The following ARHGAP22 variants were observed in gnomAD, a reference collection of about 807,000 sequenced individuals.
ARHGAP22 encodes the protein rho GTPase-activating protein 22.
ARHGAP22 carries 48 observed loss-of-function variants against 59.1 expected under a neutral mutation model. The ratio of observed to expected loss-of-function variants is 0.81; its 90% CI spans 0.64 to 1.03. The LOEUF is 1.03. Among genes scored for constraint, ARHGAP22 ranks in the 50% least tolerant of loss-of-function variants. The probability of loss-of-function intolerance (pLI) is 0.00; values close to 1 mark genes in which losing one functional copy is unlikely to be tolerated. For missense variants in ARHGAP22, 1,015 were observed against 958.7 expected (o/e 1.06, Z -0.78); for synonymous variants, 445 against 416.4 (o/e 1.07, Z -0.84).
At chr10:48,436,721 G>A in the ARHGAP22 span, 1 of 152,172 alleles carries the variant, frequency 6.6e-6, no homozygotes, top group African/African-American at 2.4e-5. Flanking sequence ...AAATACATTA[G>A]CTTTTTTATA....
intron 3 of ARHGAP22, among the ~76,000 whole-genome samples, chr10:48,505,686 A>G (rs762516303): frequency 6.6e-6 from 1 of 152,066 alleles, no homozygotes; most frequent in Non-Finnish European, 1.5e-5. Context: ...ATCCCCTGGG[A>G]GGATTTTTGC....
At chr10:48,555,180 C>T (rs1449418233) in intron 3 of ARHGAP22, among the ~76,000 whole-genome samples, 3 of 152,174 alleles carry the variant, frequency 2.0e-5, no homozygotes, top group African/African-American at 7.2e-5. Context: ...AGATTTTCAC[C>T]CTGAGATGTT....
At chr10:48,535,294 T>C (rs779771306) in intron 3 of ARHGAP22, among the ~76,000 whole-genome samples, 9 of 152,180 alleles carry the variant, frequency 5.9e-5, no homozygotes, top group Admixed American at 6.5e-5. Flanking sequence ...CCCTAAAGAC[T>C]CTTCTTGCTC....
rs114555651 is a variant in ARHGAP22 at position 48,487,726 on chromosome 10, A to G, written c.323-7962T>C. 1.8e-3 allele frequency among the ~76,000 whole-genome samples: 275 copies of G among 152,306 alleles called. 1 individual carries two copies. Among genetic ancestry groups the G allele is most frequent in the African/African-American group, 6.4e-3 (267 of 41,560 alleles). On this transcript the variant is annotated intron_variant, in intron 3 of 9. Coordinates refer to ENST00000249601, the MANE Select transcript of ARHGAP22 (RefSeq NM_021226.4). ...TGTCAGGCTTCTGACCTACAGAACC[A>G]TAAGGTAAATTTGCATTGTTTAAGC...
At chr10:48,557,053 G>A (rs957652305) in intron 2 of ARHGAP22, among the ~76,000 whole-genome samples, 15 of 152,190 alleles carry the variant, frequency 9.9e-5, no homozygotes, top group African/African-American at 3.1e-4. Flanking sequence ...GTCCTTACCC[G>A]CAGATGCTTG....
rs2060603548 is a variant in ARHGAP22 at position 48,604,983 on chromosome 10, A to G, written c.-187T>C. 2.0e-6 allele frequency: 3 copies of G among 1,465,108 alleles called. No individual in the cohort carries two copies. Among genetic ancestry groups the G allele is most frequent in the Non-Finnish European group, 2.7e-6 (3 of 1,113,546 alleles). 90.8% of individuals were successfully genotyped at this position (1,465,108 alleles called of 1,614,324 possible). ...GGACGGACGGCTCGCCTTGGACTAC[A>G]TAAACCTCGATGCATTATTTATCCA... On this transcript the variant is annotated 5_prime_UTR_variant, in exon 1 of 10. An upstream start codon of the reference 5' UTR is lost. Coordinates refer to ENST00000249601, the MANE Select transcript of ARHGAP22 (RefSeq NM_021226.4).
intron 2 of ARHGAP22, among the ~76,000 whole-genome samples, chr10:48,572,509 G>T (rs568617833): frequency 6.6e-6 from 1 of 152,228 alleles, no homozygotes; most frequent in Non-Finnish European, 1.5e-5. Context: ...ACCTATTGCT[G>T]TATAGGGCCT....
rs2046296685 is a variant in ARHGAP22 at position 48,454,455 on chromosome 10, G to T, written c.793-294C>A. On this transcript the variant is annotated intron_variant, in intron 6 of 9. Transcript: ENST00000249601. ...CTCACTTATCAAGACACAAATATTT[G>T]CCAGATAGTGAGCCCTCATCTCCCA... Among the ~76,000 whole-genome samples the T allele has an allele frequency of 2.0e-5, 3 of 152,140 alleles. No individual in the cohort carries two copies. In the South Asian group the frequency reaches 6.2e-4, roughly 31 times the overall value.
chr10:48,523,361 C>T (rs964060368), intron 3 of ARHGAP22, among the ~76,000 whole-genome samples: 1 of 152,236 alleles, frequency 6.6e-6, no homozygotes, highest in African/African-American at 2.4e-5. Context: ...CCACTATGTT[C>T]CCAACGATCA....
chr10:48,567,047 G>A (rs2058087404), intron 2 of ARHGAP22, among the ~76,000 whole-genome samples: 1 of 152,194 alleles, frequency 6.6e-6, no homozygotes, highest in Non-Finnish European at 1.5e-5. Flanking sequence ...CCAAACCCCA[G>A]GGAGTGCCCT....
At chr10:48,564,768 G>T (rs1386090587) in intron 2 of ARHGAP22, among the ~76,000 whole-genome samples, 1 of 152,168 alleles carries the variant, frequency 6.6e-6, no homozygotes, top group Non-Finnish European at 1.5e-5. Flanking sequence ...AAGCATTTAG[G>T]GTGACAGTCC....
intron 1 of ARHGAP22, among the ~76,000 whole-genome samples, chr10:48,647,254 C>A (rs886397223): frequency 6.6e-6 from 1 of 151,840 alleles, no homozygotes; most frequent in Non-Finnish European, 1.5e-5. Flanking sequence ...ACTAGCTGTG[C>A]GTGGTGGTGG....
intron 3 of ARHGAP22, among the ~76,000 whole-genome samples, chr10:48,500,818 G>C (rs549981102): frequency 5.7e-4 from 87 of 151,452 alleles, no homozygotes; most frequent in Non-Finnish European, 9.9e-4. Flanking sequence ...TTGAACTCAG[G>C]AGGTGGAGGT....
intron 3 of ARHGAP22, among the ~76,000 whole-genome samples, chr10:48,535,544 G>A (rs1434391131): frequency 1.3e-5 from 2 of 152,222 alleles, no homozygotes; most frequent in Non-Finnish European, 2.9e-5. Flanking sequence ...CTTGACCAGG[G>A]TTTAGTCATG....
At chr10:48,435,189 G>A in the ARHGAP22 span, 2 of 538,934 alleles carry the variant, frequency 3.7e-6, no homozygotes, top group Non-Finnish European at 6.2e-6. Context: ...TTCAAGTGAT[G>A]TAATTTAAAA....
At chr10:48,592,521 C>T (rs1259641947) in intron 1 of ARHGAP22, among the ~76,000 whole-genome samples, 1 of 152,178 alleles carries the variant, frequency 6.6e-6, no homozygotes, top group African/African-American at 2.4e-5. Flanking sequence ...GATTATACTC[C>T]CCCGCTTCTC....
chr10:48,515,314 A>G (rs2053179691), intron 3 of ARHGAP22, among the ~76,000 whole-genome samples: 1 of 152,226 alleles, frequency 6.6e-6, no homozygotes, highest in South Asian at 2.1e-4. Flanking sequence ...AATTGACTTT[A>G]AAACAAAAAT....
upstream of ARHGAP22, among the ~76,000 whole-genome samples, chr10:48,609,128 C>T (rs1336172891): frequency 6.6e-6 from 1 of 152,156 alleles, no homozygotes; most frequent in East Asian, 1.9e-4. Context: ...TTCTACAGAG[C>T]TGGTTGTTAA....
At chr10:48,507,062 G>A (rs944682918) in intron 3 of ARHGAP22, among the ~76,000 whole-genome samples, 16 of 152,154 alleles carry the variant, frequency 1.1e-4, no homozygotes, top group African/African-American at 3.6e-4. Context: ...TGGAAAACAC[G>A]CTAAAAAATG....
Sources: gnomAD v4.1 joint callset for allele counts (sites outside exome capture counted in the v4.1 genomes callset) on GRCh38, gnomAD v4.1.1 for gene constraint, MANE v1.5 for transcripts, NCBI Gene and HGNC (gene_info 2026-07-23, HGNC 2026-07-21) for gene names.